Variants in IQGAP1 observed in about 807,000 individuals in gnomAD.
IQGAP1 encodes the protein ras GTPase-activating-like protein IQGAP1.
A neutral mutation model predicts 215.6 loss-of-function variants in IQGAP1; 66 were observed. The ratio of observed to expected loss-of-function variants is 0.31; its 90% CI spans 0.25 to 0.38. The LOEUF is 0.38. IQGAP1 is among the 10% of genes least tolerant of loss of function. The pLI, the probability that IQGAP1 is intolerant of heterozygous loss-of-function variation, is 1.00. For missense variants in IQGAP1, 1,712 were observed against 1,997.1 expected (o/e 0.86, Z 2.72); for synonymous variants, 772 against 728.7 (o/e 1.06, Z -0.96).
intron 15 of IQGAP1, among the ~76,000 whole-genome samples, chr15:90,458,347 C>G (rs974703407): frequency 2.0e-5 from 3 of 152,124 alleles, no homozygotes; most frequent in Non-Finnish European, 2.9e-5. Flanking sequence ...ATTATTTGCA[C>G]TTTATTCGTG....
intron 6 of IQGAP1, among the ~76,000 whole-genome samples, chr15:90,439,941 G>C (rs1282853197): frequency 6.6e-6 from 1 of 152,226 alleles, no homozygotes; most frequent in Admixed American, 6.5e-5. Flanking sequence ...GGGTAAGATA[G>C]ATTCAAGTCT....
intron 2 of IQGAP1, among the ~76,000 whole-genome samples, chr15:90,398,075 G>C (rs1365145299): frequency 6.6e-6 from 1 of 151,156 alleles, no homozygotes; most frequent in South Asian, 2.1e-4. Context: ...AGTGGAGACG[G>C]GGGTTTCACC....
intron 26 of IQGAP1, among the ~76,000 whole-genome samples, chr15:90,481,269 CT>C (rs57452745): frequency 0.12 from 13,301 of 111,888 alleles, 798 homozygotes; most frequent in Middle Eastern, 0.16. Context: ...CTCTCTGCCT[CT>C]TTTTTTTTTT....
At chr15:90,422,626 G>T (rs8029553) in intron 2 of IQGAP1, among the ~76,000 whole-genome samples, 1 of 48,108 alleles carries the variant, frequency 2.1e-5, no homozygotes, top group Non-Finnish European at 3.5e-5. Context: ...ATATATATAT[G>T]TATATATATA....
chr15:90,474,198 C>A, intron 22 of IQGAP1, 65 bp downstream of exon 22: 1 of 1,356,186 alleles, frequency 7.4e-7, no homozygotes, highest in South Asian at 1.4e-5. Flanking sequence ...TCAGGGTATT[C>A]TCCACAGACC....
intron 2 of IQGAP1, among the ~76,000 whole-genome samples, chr15:90,402,720 A>G (rs1964820524): frequency 6.6e-6 from 1 of 152,222 alleles, no homozygotes; most frequent in Non-Finnish European, 1.5e-5. Context: ...GATCCTAAAA[A>G]CAGAATGAAT....
chr15:90,408,958 A>C (rs1298522821), intron 2 of IQGAP1, among the ~76,000 whole-genome samples: 1 of 152,112 alleles, frequency 6.6e-6, no homozygotes, highest in Non-Finnish European at 1.5e-5. Flanking sequence ...TGCTGGCTTA[A>C]CATGCCATCT....
rs779952729 is a variant in IQGAP1 at position 90,388,357 on chromosome 15, G to C, written c.16G>C (p.Glu6Gln). 1.9e-6 allele frequency: 3 copies of C among 1,595,216 alleles called. No homozygotes were observed. Among genetic ancestry groups the C allele is most frequent in the Non-Finnish European group, 2.6e-6 (3 of 1,172,430 alleles). Residue 6 changes from glutamate (E) to glutamine (Q), a missense_variant, in exon 1 of 38, where the codon GAG becomes CAG. By Grantham distance (29) the Glu-to-Gln change is conservative. Coordinates refer to ENST00000268182, the MANE Select transcript of IQGAP1 (RefSeq NM_003870.4). Reference sequence around the variant, plus strand: ...CTCGTCCGCCATGTCCGCCGCAGACGAGGTTGACGGGCTGGGCGTGGCCCG... The same window carrying C: ...CTCGTCCGCCATGTCCGCCGCAGACCAGGTTGACGGGCTGGGCGTGGCCCG... Reference protein sequence around the residue: MSAADEVDGLGVARPH... With the variant: MSAADQVDGLGVARPH...
chr15:90,450,330 C>CTTTTTTTTTTTTTTTTT (rs869037347), intron 11 of IQGAP1, among the ~76,000 whole-genome samples: 1 of 54,460 alleles, frequency 1.8e-5, no homozygotes, highest in African/African-American at 7.8e-5. Context: ...TATACACTAC[C>CTTTTTTTTTTTTTTTTT]TTTTTTTTTT....
intron 15 of IQGAP1, among the ~76,000 whole-genome samples, chr15:90,459,240 A>G (rs1451405092): frequency 1.3e-5 from 2 of 152,208 alleles, no homozygotes; most frequent in Non-Finnish European, 2.9e-5. Flanking sequence ...CAATTATTTG[A>G]GGGCCTACTA....
intron 18 of IQGAP1, 124 bp downstream of exon 18, chr15:90,467,716 C>A: frequency 1.0e-6 from 1 of 955,328 alleles, no homozygotes; most frequent in Non-Finnish European, 1.5e-6. Context: ...ATGTAATGAG[C>A]TGTTTTGCGG....
chr15:90,457,885 G>T (rs1271438371), intron 15 of IQGAP1, among the ~76,000 whole-genome samples: 1 of 152,164 alleles, frequency 6.6e-6, no homozygotes, highest in East Asian at 1.9e-4. Context: ...AAGGTTTTTT[G>T]TGACAACTTA....
chr15:90,411,103 C>T (rs940717748), intron 2 of IQGAP1, among the ~76,000 whole-genome samples: 4 of 152,012 alleles, frequency 2.6e-5, no homozygotes, highest in African/African-American at 7.3e-5. Context: ...AAATATATTG[C>T]CTATCTAAGA....
At chr15:90,482,892 T>C (rs1966078925) in intron 28 of IQGAP1, 1 of 208,906 alleles carries the variant, frequency 4.8e-6, no homozygotes, top group African/African-American at 2.4e-5. Flanking sequence ...AGCATGAGAA[T>C]GTTGGGAGGT....
At chr15:90,390,530 A>G (rs1964621023) in intron 1 of IQGAP1, among the ~76,000 whole-genome samples, 1 of 152,254 alleles carries the variant, frequency 6.6e-6, no homozygotes, top group South Asian at 2.1e-4. Flanking sequence ...GTATTTTTCA[A>G]GATTACACTG....
At chr15:90,454,131 C>G (rs1407736326) in intron 13 of IQGAP1, among the ~76,000 whole-genome samples, 1 of 152,188 alleles carries the variant, frequency 6.6e-6, no homozygotes, top group African/African-American at 2.4e-5. Flanking sequence ...GTTGCTCTGT[C>G]ATTCCTCCTG....
intron 15 of IQGAP1, among the ~76,000 whole-genome samples, chr15:90,464,694 TAC>T (rs886684035): frequency 4.0e-5 from 6 of 151,534 alleles, no homozygotes; most frequent in African/African-American, 1.5e-4. Context: ...ACTAAAAAAA[TAC>T]AAAAAATTAG....
chr15:90,444,318 A>G (rs1489151231), intron 9 of IQGAP1, among the ~76,000 whole-genome samples: 3 of 148,254 alleles, frequency 2.0e-5, no homozygotes, highest in Non-Finnish European at 4.4e-5. Flanking sequence ...AGACAGAGTT[A>G]CACTTTGTTG....
At chr15:90,450,634 A>G (rs186614455) in intron 11 of IQGAP1, among the ~76,000 whole-genome samples, 16 of 152,034 alleles carry the variant, frequency 1.1e-4, no homozygotes, top group African/African-American at 3.6e-4. Context: ...CTTTGATAAA[A>G]GCCATTTTAA....
Sources: gnomAD v4.1 joint callset for allele counts (sites outside exome capture counted in the v4.1 genomes callset) on GRCh38, gnomAD v4.1.1 for gene constraint, MANE v1.5 for transcripts, NCBI Gene and HGNC (gene_info 2026-07-23, HGNC 2026-07-21) for gene names.